HMGCLL1: variants seen among roughly 807,000 people sequenced by gnomAD.
The protein encoded by HMGCLL1 is 3-hydroxy-3-methylglutaryl-CoA lyase like 1, also known as 3-hydroxymethyl-3-methylglutaryl-CoA lyase, cytoplasmic.
Under a neutral mutation model 39.1 loss-of-function variants are expected in HMGCLL1, and 36 were observed. That is an observed-to-expected ratio of 0.92 (90% CI 0.71 to 1.22). The LOEUF (loss-of-function observed/expected upper bound fraction) is 1.22. Ranked by LOEUF, HMGCLL1 falls within the 50% of genes most tolerant of loss-of-function variation. The pLI is 0.00. For missense variants in HMGCLL1, 451 were observed against 416.5 expected (o/e 1.08, Z -0.72); for synonymous variants, 149 against 144.0 (o/e 1.03, Z -0.25).
chr6:55,444,277 T>C (rs899447755), intron 7 of HMGCLL1, among the ~76,000 whole-genome samples: 2 of 152,088 alleles, frequency 1.3e-5, no homozygotes, highest in Non-Finnish European at 2.9e-5. Flanking sequence ...AACAGTTCCT[T>C]ATCAAAGAGT....
At chr6:55,584,473 G>A in the HMGCLL1 span, among the ~76,000 whole-genome samples, 26 of 152,106 alleles carry the variant, frequency 1.7e-4, no homozygotes, top group East Asian at 2.3e-3. Context: ...TAAAATGACC[G>A]CAATAAATTA....
At chr6:55,472,883 A>C (rs1387920924) in intron 7 of HMGCLL1, among the ~76,000 whole-genome samples, 1 of 151,368 alleles carries the variant, frequency 6.6e-6, no homozygotes, top group Non-Finnish European at 1.5e-5. Context: ...GAATCTGCCT[A>C]TTTCTTATTT....
chr6:55,589,070 C>G, the HMGCLL1 span, among the ~76,000 whole-genome samples: 1 of 152,144 alleles, frequency 6.6e-6, no homozygotes, highest in African/African-American at 2.4e-5. Context: ...CCAGCATCAT[C>G]CTGATACCAA....
intron 3 of HMGCLL1, among the ~76,000 whole-genome samples, chr6:55,538,809 G>A (rs537102920): frequency 1.1e-4 from 17 of 151,630 alleles, no homozygotes; most frequent in African/African-American, 4.1e-4. Context: ...ATAGGTAGTG[G>A]CTAATCAAAA....
At chr6:55,632,621 G>A in the HMGCLL1 span, among the ~76,000 whole-genome samples, 8 of 151,696 alleles carry the variant, frequency 5.3e-5, no homozygotes, top group Non-Finnish European at 1.2e-4. Context: ...TAATATTTTT[G>A]AAGTATTCAT....
intron 1 of HMGCLL1, among the ~76,000 whole-genome samples, chr6:55,553,113 A>G (rs1286616731): frequency 6.6e-6 from 1 of 151,648 alleles, no homozygotes; most frequent in African/African-American, 2.4e-5. Context: ...ATTGCACTCC[A>G]GCCTGGGCAA....
At chr6:55,535,674 G>A (rs1768975929) in intron 3 of HMGCLL1, among the ~76,000 whole-genome samples, 1 of 152,098 alleles carries the variant, frequency 6.6e-6, no homozygotes, top group Non-Finnish European at 1.5e-5. Flanking sequence ...TAGCACCAGG[G>A]AATAAGAATT....
chr6:55,591,838 AG>A, the HMGCLL1 span, among the ~76,000 whole-genome samples: 1 of 151,944 alleles, frequency 6.6e-6, no homozygotes, highest in Non-Finnish European at 1.5e-5. Flanking sequence ...AGAACATTTT[AG>A]TTGAATATTT....
At chr6:55,480,245 C>G (rs1275598317) in intron 7 of HMGCLL1, among the ~76,000 whole-genome samples, 1 of 151,280 alleles carries the variant, frequency 6.6e-6, no homozygotes, top group Non-Finnish European at 1.5e-5. Flanking sequence ...GATTAATAAC[C>G]CGAATATACA....
chr6:55,642,435 T>C, the HMGCLL1 span, among the ~76,000 whole-genome samples: 1 of 152,056 alleles, frequency 6.6e-6, no homozygotes, highest in Non-Finnish European at 1.5e-5. Flanking sequence ...TGAGTCAATC[T>C]GAATGAATTT....
intron 3 of HMGCLL1, among the ~76,000 whole-genome samples, chr6:55,520,042 G>A (rs578139654): frequency 6.2e-5 from 8 of 129,470 alleles, no homozygotes; most frequent in African/African-American, 2.4e-4. Context: ...AGTGGGAGCT[G>A]AACAATGAGA....
chr6:55,588,762 A>C, the HMGCLL1 span, among the ~76,000 whole-genome samples: 1 of 152,208 alleles, frequency 6.6e-6, no homozygotes, highest in East Asian at 1.9e-4. Context: ...CTACCATCAG[A>C]GAATATTATA....
chr6:55,485,189 C>T (rs1297591157), intron 7 of HMGCLL1, among the ~76,000 whole-genome samples: 1 of 152,054 alleles, frequency 6.6e-6, no homozygotes, highest in Non-Finnish European at 1.5e-5. Context: ...TGCAACCTGC[C>T]CCCTTTCACC....
chr6:55,574,089 C>T (rs796454111), intron 1 of HMGCLL1, among the ~76,000 whole-genome samples: 24 of 151,856 alleles, frequency 1.6e-4, no homozygotes, highest in African/African-American at 5.3e-4. Flanking sequence ...AGTAAACATT[C>T]ATTTATACTT....
At chr6:55,462,695 T>C (rs200746323) in intron 7 of HMGCLL1, among the ~76,000 whole-genome samples, 1 of 152,186 alleles carries the variant, frequency 6.6e-6, no homozygotes, top group Non-Finnish European at 1.5e-5. Context: ...TAAGCTGCCA[T>C]AGAAAGGTCT....
intron 3 of HMGCLL1, among the ~76,000 whole-genome samples, chr6:55,524,651 A>G (rs898298479): frequency 1.4e-4 from 22 of 152,024 alleles, no homozygotes; most frequent in African/African-American, 4.8e-4. Context: ...GTAATAGGGC[A>G]TAGATAGTGG....
the HMGCLL1 span, among the ~76,000 whole-genome samples, chr6:55,606,124 C>G: frequency 6.6e-6 from 1 of 152,148 alleles, no homozygotes; most frequent in South Asian, 2.1e-4. Flanking sequence ...TCTGTAAATC[C>G]TCTACTTCTT....
the HMGCLL1 span, among the ~76,000 whole-genome samples, chr6:55,645,141 T>C: frequency 6.6e-6 from 1 of 152,102 alleles, no homozygotes; most frequent in East Asian, 1.9e-4. Flanking sequence ...AATTCCTTGG[T>C]ATTTAATTGT....
the HMGCLL1 span, among the ~76,000 whole-genome samples, chr6:55,634,658 T>C: frequency 6.6e-6 from 1 of 152,116 alleles, no homozygotes; most frequent in Non-Finnish European, 1.5e-5. Context: ...TTTCCCAAAT[T>C]CTTAGAACTT....
Sources: gnomAD v4.1 joint callset for allele counts (sites outside exome capture counted in the v4.1 genomes callset) on GRCh38, gnomAD v4.1.1 for gene constraint, MANE v1.5 for transcripts, NCBI Gene and HGNC (gene_info 2026-07-23, HGNC 2026-07-21) for gene names.